FSD2: variants seen among roughly 807,000 people sequenced by gnomAD.
FSD2 encodes the protein fibronectin type III and SPRY domain-containing protein 2.
In FSD2, 71 loss-of-function variants were observed where a neutral mutation model predicts 80.4. The ratio of observed to expected loss-of-function variants is 0.88; its 90% CI spans 0.73 to 1.08. The LOEUF is 1.08. FSD2 is among the 50% of genes least tolerant of loss of function. The pLI is 0.00. For missense variants in FSD2, 923 were observed against 913.8 expected, an observed-to-expected ratio of 1.01 and a Z score of -0.13; for synonymous variants, 361 against 329.5, an observed-to-expected ratio of 1.10 and a Z score of -1.03.
In FSD2 at chr15:82,756,777, G is replaced by A. The variant is rs1370200506; in HGVS notation, c.*2571C>T. 1 of 152,226 alleles carries A rather than the reference G, an allele frequency of 6.6e-6. No homozygotes were observed. The highest frequency in any genetic ancestry group is 1.5e-5 in the Non-Finnish European group (1 of 68,030). The allele number at this position is 152,226 out of a possible 1,614,324, so 9.4% of individuals were successfully genotyped here. Reference sequence around the variant, plus strand: ...GAATGACTTTCTCAGGAGTTATAAAGTGATACAGGTAAAGCTAAGAAAAGA... The same window carrying A: ...GAATGACTTTCTCAGGAGTTATAAAATGATACAGGTAAAGCTAAGAAAAGA... On this transcript the variant is annotated 3_prime_UTR_variant, in exon 13 of 13. Coordinates refer to ENST00000334574, the MANE Select transcript of FSD2 (RefSeq NM_001007122.4).
chr15:82,764,078 G>A (rs1174954010), intron 11 of FSD2, among the ~76,000 whole-genome samples: 1 of 152,224 alleles, frequency 6.6e-6, no homozygotes, highest in Non-Finnish European at 1.5e-5. Flanking sequence ...GGGCTAACTG[G>A]TGGGAGACCT....
intron 1 of FSD2, among the ~76,000 whole-genome samples, chr15:82,791,430 A>G (rs4779063): frequency 0.82 from 125,300 of 152,026 alleles, 51,968 homozygotes; most frequent in African/African-American, 0.93. Flanking sequence ...GAGTGCAGTA[A>G]CACCATCTTG....
intron 1 of FSD2, among the ~76,000 whole-genome samples, chr15:82,804,843 G>A (rs143419917): frequency 1.3e-5 from 2 of 152,258 alleles, no homozygotes; most frequent in Non-Finnish European, 2.9e-5. Context: ...GTCAAAGTAG[G>A]AATTTTGCAA....
chr15:82,769,180 A>T, intron 8 of FSD2, 150 bp from the exon 9 acceptor site: 1 of 656,908 alleles, frequency 1.5e-6, no homozygotes, highest in Non-Finnish European at 2.3e-6. Flanking sequence ...TCCCTTCCAG[A>T]TGTTCCTGGA....
chr15:82,801,944 A>G (rs527931650), intron 1 of FSD2, among the ~76,000 whole-genome samples: 1 of 152,308 alleles, frequency 6.6e-6, no homozygotes, highest in African/African-American at 2.4e-5. Flanking sequence ...AGGTTTCCAG[A>G]GGCAGCATCG....
At chr15:82,761,690 T>A (rs889499437) in intron 12 of FSD2, among the ~76,000 whole-genome samples, 1 of 150,904 alleles carries the variant, frequency 6.6e-6, no homozygotes, top group Admixed American at 6.6e-5. Flanking sequence ...TTATTATTTT[T>A]TTTTTTTTAG....
At chr15:82,782,239 CA>C (rs935143013) in intron 4 of FSD2, among the ~76,000 whole-genome samples, 66 of 121,964 alleles carry the variant, frequency 5.4e-4, no homozygotes, top group Non-Finnish European at 4.6e-4. Flanking sequence ...ACTAAAAATA[CA>C]AAAAAAAAAA....
chr15:82,786,677 G>C, intron 2 of FSD2, 71 bp from the exon 3 acceptor site: 3 of 1,606,644 alleles, frequency 1.9e-6, no homozygotes, highest in Non-Finnish European at 2.6e-6. Context: ...AGGCGTTTTA[G>C]ATTTATTCCC....
intron 6 of FSD2, among the ~76,000 whole-genome samples, chr15:82,777,722 CT>C (rs1162782560): frequency 6.6e-6 from 1 of 151,730 alleles, no homozygotes; most frequent in Non-Finnish European, 1.5e-5. Flanking sequence ...TGGCGGGTGC[CT>C]GTAATCTCAA....
At chr15:82,770,572 G>A (rs926344282) in intron 7 of FSD2, among the ~76,000 whole-genome samples, 2 of 152,208 alleles carry the variant, frequency 1.3e-5, no homozygotes, top group Non-Finnish European at 2.9e-5. Flanking sequence ...TCGGGAGGCC[G>A]AGGCAGGAGA....
chr15:82,772,059 T>C lies in FSD2; in HGVS notation c.1267+14A>G, dbSNP rs1217252853. The C allele has an allele frequency of 6.5e-7, 1 of 1,540,308 alleles. No homozygotes were observed. The highest frequency in any genetic ancestry group is 8.7e-7 in the Non-Finnish European group (1 of 1,150,498). ...GTTCCCATGAGCACGGGCATGTTCCTGGCAGAGCCTCACCTGCTTGGTCCG... is the reference window on the plus strand; with the variant it reads ...GTTCCCATGAGCACGGGCATGTTCCCGGCAGAGCCTCACCTGCTTGGTCCG... On this transcript the variant is annotated intron_variant, in intron 7 of 12. Transcript: ENST00000334574.
Position 82,756,901 on chromosome 15 carries a change from C to T in FSD2, c.*2447G>A, listed in dbSNP as rs949877072. 1.3e-5 allele frequency: 2 copies of T among 152,130 alleles called. No individual in the cohort carries two copies. The highest frequency in any genetic ancestry group is 4.8e-5 in the African/African-American group (2 of 41,422). The allele number at this position is 152,130 out of a possible 1,614,324, so 9.4% of individuals were successfully genotyped here. On this transcript the variant is annotated 3_prime_UTR_variant, in exon 13 of 13. Transcript: ENST00000334574. The stretch of plus-strand genomic sequence containing the variant: ...CTCTTTTTTTTGCTTTGTTTTTTAA[C>T]AGACTTATCAGCAGGTTGCAGGTGA...
Position 82,759,582 on chromosome 15 carries a change from C to A in FSD2, c.2016G>T (p.Leu672=). The A allele has an allele frequency of 6.3e-7, 1 of 1,587,448 alleles. No individual in the cohort carries two copies. Among genetic ancestry groups the A allele is most frequent in the Non-Finnish European group, 8.6e-7 (1 of 1,166,048 alleles). Reference sequence around the variant, plus strand: ...TTATATCTGGAGTTGTTCTGTTGTGCAGAAATTCATACTTATGCCTGAAAA... The same window carrying A: ...TTATATCTGGAGTTGTTCTGTTGTGAAGAAATTCATACTTATGCCTGAAAA... ...FASSRHKYEF[L]HNRTTPDIRI... The change falls in exon 13 of 13, where the codon CTG becomes CTT. Residue 672 remains leucine, a synonymous_variant. Transcript: ENST00000334574.
chr15:82,768,432 T>C (rs2049474688), intron 9 of FSD2, among the ~76,000 whole-genome samples: 2 of 152,216 alleles, frequency 1.3e-5, no homozygotes, highest in South Asian at 2.1e-4. Context: ...TTATTACATT[T>C]CTTTTTCCTT....
intron 6 of FSD2, among the ~76,000 whole-genome samples, chr15:82,777,947 C>T (rs1337451225): frequency 1.3e-5 from 2 of 149,900 alleles, no homozygotes; most frequent in Non-Finnish European, 3.0e-5. Context: ...CATGCAGCCA[C>T]CATGGAAAAC....
At position 82,766,318 on chromosome 15, in the gene FSD2, G is replaced by A. The variant is rs1212806332; in HGVS notation, c.1554-287C>T. Among the ~76,000 whole-genome samples, 4 of 152,168 alleles carry A rather than the reference G, an allele frequency of 2.6e-5. No individual in the cohort carries two copies. The East Asian group carries it at 7.7e-4, about 29-fold the overall frequency. ...CACCCAGCACTGTGCTTGGCATATGGTTAACACTGCATCATGGAGTGTGCA... is the reference window on the plus strand; with the variant it reads ...CACCCAGCACTGTGCTTGGCATATGATTAACACTGCATCATGGAGTGTGCA... On this transcript the variant is annotated intron_variant, in intron 9 of 12. Coordinates refer to ENST00000334574, the MANE Select transcript of FSD2 (RefSeq NM_001007122.4).
At chr15:82,765,139 C>T (rs780227570) in intron 11 of FSD2, 27 bp downstream of exon 11, 83 of 1,568,744 alleles carry the variant, frequency 5.3e-5, no homozygotes, top group Non-Finnish European at 6.4e-5. Context: ...GTTCACAGAA[C>T]GCCCTTGTGA....
rs1235863887 is a variant in FSD2, at chr15:82,772,228, G to T, written c.1112C>A (p.Ala371Asp). ...QLMGSINTIP[A>D]PSAPVINPQV... Reference sequence around the variant, plus strand: ...TGGATTTATGACTGGAGCAGAAGGAGCTAGGAAAAGAAAAGAAAAAAGAAG... The same window carrying T: ...TGGATTTATGACTGGAGCAGAAGGATCTAGGAAAAGAAAAGAAAAAAGAAG... Residue 371 changes from alanine (A) to aspartate (D), a missense_variant and splice_region_variant, in exon 7 of 13, where the codon GCT becomes GAT. By Grantham distance (126) the Ala-to-Asp change is moderately radical. Coordinates refer to ENST00000334574, the MANE Select transcript of FSD2 (RefSeq NM_001007122.4). The T allele has an allele frequency of 6.2e-7, 1 of 1,607,998 alleles. No homozygotes were observed. Among genetic ancestry groups the T allele is most frequent in the Admixed American group, 1.7e-5 (1 of 58,916 alleles).
At chr15:82,761,474 G>C (rs989527055) in intron 12 of FSD2, among the ~76,000 whole-genome samples, 2 of 152,014 alleles carry the variant, frequency 1.3e-5, no homozygotes, top group Non-Finnish European at 2.9e-5. Context: ...GATGGAACTG[G>C]GGCTTCAAAG....
Sources: allele counts gnomAD v4.1 joint callset (sites outside exome capture counted in the v4.1 genomes callset), GRCh38; gene constraint gnomAD v4.1.1; transcripts MANE v1.5; gene names NCBI Gene and HGNC (gene_info 2026-07-23, HGNC 2026-07-21).